The following DACH2 variants were observed in gnomAD, a reference collection of about 807,000 sequenced individuals.
DACH2 encodes the protein dachshund family transcription factor 2, also known as dachshund homolog 2.
DACH2 carries 17 observed loss-of-function variants against 35.8 expected under a neutral mutation model. The ratio of observed to expected loss-of-function variants is 0.48; its 90% CI spans 0.33 to 0.71. The LOEUF is 0.71. DACH2 is among the 30% of genes least tolerant of loss of function. The probability of loss-of-function intolerance (pLI) is 0.02; values close to 1 mark genes in which losing one functional copy is unlikely to be tolerated. For synonymous variants in DACH2, 195 were observed against 177.3 expected, an observed-to-expected ratio of 1.10 and a Z score of -0.79; for missense variants, 469 against 472.7, an observed-to-expected ratio of 0.99 and a Z score of 0.07.
intron 1 of DACH2, among the ~76,000 whole-genome samples, chrX:86,285,603 A>G (rs2034128186): frequency 8.9e-6 from 1 of 111,889 alleles, no homozygotes; most frequent in Non-Finnish European, 1.9e-5. Flanking sequence ...TTTTACAATG[A>G]TCCACATGCT....
At chrX:86,766,080 G>A (rs2041932150) in intron 7 of DACH2, among the ~76,000 whole-genome samples, 2 of 109,870 alleles carry the variant, frequency 1.8e-5, no homozygotes, top group Non-Finnish European at 1.9e-5. Flanking sequence ...TATTTCACCA[G>A]TAAGCTTCTC....
At chrX:86,313,662 C>T (rs1235653151) in intron 1 of DACH2, among the ~76,000 whole-genome samples, 3 of 112,006 alleles carry the variant, frequency 2.7e-5, no homozygotes, top group African/African-American at 9.7e-5. Context: ...ATACATGGGT[C>T]TTTACACTAT....
At chrX:86,298,401 G>A (rs1487470242) in intron 1 of DACH2, among the ~76,000 whole-genome samples, 1 of 111,763 alleles carries the variant, frequency 8.9e-6, no homozygotes, top group Non-Finnish European at 1.9e-5. Flanking sequence ...GAATATTGTA[G>A]TTAATAGAGG....
intron 1 of DACH2, among the ~76,000 whole-genome samples, chrX:86,240,437 GATTATT>G (rs3034441): frequency 0.053 from 5,005 of 95,024 alleles, 214 homozygotes; most frequent in Admixed American, 0.13. Context: ...GGTTGTATCA[GATTATT>G]ATTATTATTA....
chrX:86,785,722 T>G lies in DACH2; in HGVS notation c.1241-27134T>G, dbSNP rs757698709. Among the ~76,000 whole-genome samples the G allele has an allele frequency of 3.0e-4, 33 of 111,643 alleles. No individual in the cohort carries two copies. The South Asian group carries it at 0.012, about 41-fold the overall frequency. On this transcript the variant is annotated intron_variant, in intron 7 of 11. Transcript: ENST00000373125. ...TTAATATGTGAAAACCTTAGGAGCA[T>G]AATTCATCAAGTCAACAAGACCACA...
chrX:86,285,563 CT>C (rs1344615088), intron 1 of DACH2, among the ~76,000 whole-genome samples: 1 of 111,771 alleles, frequency 8.9e-6, no homozygotes, highest in Non-Finnish European at 1.9e-5. Flanking sequence ...TGTTTTAAGA[CT>C]TGTTTTATGA....
At chrX:86,337,695 C>G (rs771229554) in intron 1 of DACH2, among the ~76,000 whole-genome samples, 48 of 111,827 alleles carry the variant, frequency 4.3e-4, no homozygotes, top group Admixed American at 8.6e-4. Context: ...ATGACTTGAT[C>G]AAATTCACAC....
At chrX:86,205,432 T>TCCTCCCTCCCTCCCTC (rs1249351925) in intron 1 of DACH2, among the ~76,000 whole-genome samples, 1 of 15,818 alleles carries the variant, frequency 6.3e-5, no homozygotes, top group Non-Finnish European at 1.0e-4. Context: ...CTTCCCTCCC[T>TCCTCCCTCCCTCCCTC]CCTCCCTCCC....
chrX:86,262,387 A>G (rs992663411), intron 1 of DACH2, among the ~76,000 whole-genome samples: 14 of 112,158 alleles, frequency 1.2e-4, no homozygotes, highest in Non-Finnish European at 5.6e-5. Flanking sequence ...ATAGATCCAC[A>G]AAACTGAATC....
At chrX:86,562,460 C>T (rs1405992624) in intron 3 of DACH2, among the ~76,000 whole-genome samples, 1 of 110,885 alleles carries the variant, frequency 9.0e-6, no homozygotes, top group Non-Finnish European at 1.9e-5. Flanking sequence ...GAGTGAAGAG[C>T]TTTTCTCATT....
intron 2 of DACH2, among the ~76,000 whole-genome samples, chrX:86,460,404 T>A (rs1438057468): frequency 9.0e-6 from 1 of 110,980 alleles, no homozygotes; most frequent in East Asian, 2.8e-4. Context: ...TTAGTAGAAT[T>A]AAATTCTATT....
At chrX:86,293,206 T>G (rs778563905) in intron 1 of DACH2, among the ~76,000 whole-genome samples, 21 of 106,657 alleles carry the variant, frequency 2.0e-4, no homozygotes, top group Non-Finnish European at 3.3e-4. Flanking sequence ...CTTTTGATCT[T>G]TGTTGATTTA....
At chrX:86,734,221 C>T (rs1291759) in intron 6 of DACH2, among the ~76,000 whole-genome samples, 24,648 of 110,192 alleles carry the variant, frequency 0.22, 2,299 homozygotes, top group Admixed American at 0.44. Flanking sequence ...ACATAGGTCA[C>T]ACAAAGGGTG....
Position 86,148,525 on chromosome X carries a change from G to A in DACH2, c.-96G>A. On this transcript the variant is annotated 5_prime_UTR_variant, in exon 1 of 12. Coordinates refer to ENST00000373125, the MANE Select transcript of DACH2 (RefSeq NM_053281.3). ...GTTCGGAGCCAGCGAGAGCGCGCCAGAGAGAGCGAGAGTGAGGGAGTGAGT... is the reference window on the plus strand; with the variant it reads ...GTTCGGAGCCAGCGAGAGCGCGCCAAAGAGAGCGAGAGTGAGGGAGTGAGT... 1.0e-6 allele frequency: 1 copy of A among 987,731 alleles called. No homozygotes were observed. Among genetic ancestry groups the A allele is most frequent in the Admixed American group, 3.8e-5 (1 of 26,526 alleles). The allele number at this position is 987,731 out of a possible 1,213,427, so 81.4% of individuals were successfully genotyped here.
intron 1 of DACH2, among the ~76,000 whole-genome samples, chrX:86,246,625 A>G (rs1164399812): frequency 8.9e-6 from 1 of 112,425 alleles, no homozygotes; most frequent in Non-Finnish European, 1.9e-5. Flanking sequence ...TGCTAAAATA[A>G]TTTGTTACCA....
At chrX:86,653,531 AT>A (rs1442445149) in intron 4 of DACH2, among the ~76,000 whole-genome samples, 1 of 111,149 alleles carries the variant, frequency 9.0e-6, no homozygotes, top group Non-Finnish European at 1.9e-5. Context: ...TATTTTAACA[AT>A]ATTGATTCTT....
Position 86,335,103 on chromosome X carries a change from G to A in DACH2, c.489-41721G>A, listed in dbSNP as rs148222523. Among the ~76,000 whole-genome samples, 412 of 111,075 alleles carry A rather than the reference G, an allele frequency of 3.7e-3. 1 individual carries two copies. The highest frequency in any genetic ancestry group is 0.013 in the African/African-American group (389 of 30,399). On this transcript the variant is annotated intron_variant, in intron 1 of 11. Transcript: ENST00000373125. ...GCACTATTTCCGAGGCCTCTGTTCT[G>A]TTCCATTTTTCTACATATCTGTTTT...
At chrX:86,787,564 G>A (rs1344696153) in intron 7 of DACH2, among the ~76,000 whole-genome samples, 1 of 106,606 alleles carries the variant, frequency 9.4e-6, no homozygotes, top group African/African-American at 3.4e-5. Context: ...GTTGCAGTGA[G>A]CCGAGATCGC....
intron 3 of DACH2, among the ~76,000 whole-genome samples, chrX:86,601,302 A>T (rs1200524320): frequency 1.8e-5 from 2 of 112,213 alleles, no homozygotes; most frequent in Admixed American, 9.5e-5. Context: ...TTAATAAAAC[A>T]AATATAGAAA....
Sources: allele counts gnomAD v4.1 joint callset (sites outside exome capture counted in the v4.1 genomes callset), GRCh38; gene constraint gnomAD v4.1.1; transcripts MANE v1.5; gene names NCBI Gene and HGNC (gene_info 2026-07-23, HGNC 2026-07-21).